Variants in LARP6 observed in about 807,000 individuals in gnomAD.
LARP6 encodes la-related protein 6.
LARP6 carries 18 observed loss-of-function variants against 32.8 expected under a neutral mutation model. The ratio of observed to expected loss-of-function variants is 0.55; its 90% CI spans 0.38 to 0.81. The LOEUF (loss-of-function observed/expected upper bound fraction) is 0.81, where lower values mean the gene tolerates loss of function less well. Ranked by LOEUF, LARP6 falls within the 40% of genes least tolerant of loss-of-function variation. The pLI, the probability that LARP6 is intolerant of heterozygous loss-of-function variation, is 0.00. For synonymous variants in LARP6, 289 were observed against 267.2 expected (o/e 1.08, Z -0.80); for missense variants, 598 against 663.1 (o/e 0.90, Z 1.08).
intron 1 of LARP6, chr15:70,851,525 G>A: frequency 6.7e-7 from 1 of 1,498,834 alleles, no homozygotes. Context: ...AAAGGAATAA[G>A]ATAAGGCAGC....
intron 1 of LARP6, among the ~76,000 whole-genome samples, chr15:70,847,323 A>T (rs1360591582): frequency 1.3e-5 from 2 of 152,110 alleles, no homozygotes; most frequent in Non-Finnish European, 2.9e-5. Context: ...GTAGAAATAA[A>T]GGGGTACATT....
intron 1 of LARP6, among the ~76,000 whole-genome samples, chr15:70,843,786 G>T (rs1213733600): frequency 6.7e-6 from 1 of 149,738 alleles, no homozygotes; most frequent in African/African-American, 2.5e-5. Context: ...CTCCTGAGTA[G>T]CTGGGATTAC....
intron 1 of LARP6, chr15:70,851,760 G>C: frequency 1.2e-6 from 2 of 1,613,654 alleles, no homozygotes; most frequent in Non-Finnish European, 1.7e-6. Flanking sequence ...AATTGTGGAA[G>C]GTGCTAGGCA....
chr15:70,851,691 A>G (rs1273623584), intron 1 of LARP6: 1 of 1,614,088 alleles, frequency 6.2e-7, no homozygotes, highest in East Asian at 2.2e-5. Flanking sequence ...CGAAGCAAGC[A>G]TGGTCCTTGA....
rs1189998278 is a variant in LARP6 at position 70,832,942 on chromosome 15, T to C, written c.586A>G (p.Lys196Glu). Residue 196 changes from lysine to glutamate, a missense_variant, in exon 3 of 3, where the codon AAG becomes GAG. This residue lies in a region of LARP6 where 368 missense variants were observed against 397.9 expected (regional missense o/e 0.92). Transcript: ENST00000299213. ...LLVYDLYLSP[K>E]LWALATPQKN... The stretch of plus-strand genomic sequence containing the variant: ...TGGGGGGTGGCCAGAGCCCACAGCT[T>C]AGGAGACAAGTAGAGATCATAGACC... 1.2e-6 allele frequency: 2 copies of C among 1,606,164 alleles called. No homozygotes were observed. The highest frequency in any genetic ancestry group is 1.7e-6 in the Non-Finnish European group (2 of 1,175,974).
At position 70,832,620 on chromosome 15, in the gene LARP6, T is replaced by C. The variant is rs2032070482; in HGVS notation, c.908A>G (p.Asp303Gly). The C allele has an allele frequency of 1.2e-6, 2 of 1,607,932 alleles. No homozygotes were observed. The highest frequency in any genetic ancestry group is 1.3e-5 in the African/African-American group (1 of 74,330). The change falls in exon 3 of 3, where the codon GAC becomes GGC. Residue 303 changes from aspartate to glycine, a missense_variant. Transcript: ENST00000299213. ...MKPPKKKPAK[D>G]KNHDEEPTAS... is the part of the protein sequence containing the mutation. ...AGTGGGCTCCTCGTCATGATTTTTG[T>C]CTTTGGCAGGTTTCTTTTTGGGTGG...
chr15:70,847,517 GCAC>G (rs1053017163), intron 1 of LARP6, among the ~76,000 whole-genome samples: 1 of 151,920 alleles, frequency 6.6e-6, no homozygotes, highest in African/African-American at 2.4e-5. Flanking sequence ...CTACAGGTGC[GCAC>G]CACCATGCCT....
chr15:70,839,038 G>A (rs574895043), intron 1 of LARP6, among the ~76,000 whole-genome samples: 1 of 152,006 alleles, frequency 6.6e-6, no homozygotes, highest in Admixed American at 6.6e-5. Context: ...ATTATAATTA[G>A]TATAAAATAT....
At chr15:70,834,491 A>G (rs2032111868) in intron 2 of LARP6, among the ~76,000 whole-genome samples, 1 of 152,238 alleles carries the variant, frequency 6.6e-6, no homozygotes, top group South Asian at 2.1e-4. Flanking sequence ...GCCTTCTCCG[A>G]AAACAGCTAG....
chr15:70,836,394 A>G lies in LARP6; in HGVS notation c.312T>C (p.Phe104=). ...CGTCCTTCTCCAGGTTTTCATCAGA[A>G]AAGTAGAATTCGATCTGATCCACCA... ...KKLVDQIEFY[F]SDENLEKDAF... is the part of the protein sequence containing the mutation. Residue 104 remains phenylalanine (F), a synonymous_variant, in exon 2 of 3, where the codon TTT becomes TTC. Transcript: ENST00000299213. 1 of 1,614,114 alleles carries G rather than the reference A, an allele frequency of 6.2e-7. No homozygotes were observed. Among genetic ancestry groups the G allele is most frequent in the African/African-American group, 1.3e-5 (1 of 75,030 alleles).
chr15:70,847,926 A>G (rs2032376585), intron 1 of LARP6, among the ~76,000 whole-genome samples: 1 of 152,058 alleles, frequency 6.6e-6, no homozygotes, highest in Non-Finnish European at 1.5e-5. Context: ...GTGGACACCA[A>G]TAAGGAAGGT....
chr15:70,850,313 T>C (rs1252148156), intron 1 of LARP6, among the ~76,000 whole-genome samples: 1 of 152,194 alleles, frequency 6.6e-6, no homozygotes, highest in Non-Finnish European at 1.5e-5. Context: ...CTTCTCAAAC[T>C]CTTCTAAAAC....
chr15:70,853,794 G>T, intron 1 of LARP6, 95 bp downstream of exon 1: 1 of 953,218 alleles, frequency 1.0e-6, no homozygotes, highest in Non-Finnish European at 1.3e-6. Flanking sequence ...AACCCCCTCT[G>T]CCCGAGGAGT....
At chr15:70,837,079 T>C (rs767868894) in intron 1 of LARP6, among the ~76,000 whole-genome samples, 2 of 152,054 alleles carry the variant, frequency 1.3e-5, no homozygotes, top group Non-Finnish European at 2.9e-5. Flanking sequence ...TGGAGGATCA[T>C]AAAAATAATA....
intron 1 of LARP6, among the ~76,000 whole-genome samples, chr15:70,844,797 C>T (rs1270034679): frequency 6.6e-6 from 1 of 151,888 alleles, no homozygotes; most frequent in African/African-American, 2.4e-5. Context: ...TAGATAATTC[C>T]CTTCTAAGAG....
intron 1 of LARP6, among the ~76,000 whole-genome samples, chr15:70,852,894 T>C (rs1327284139): frequency 6.6e-6 from 1 of 152,096 alleles, no homozygotes; most frequent in South Asian, 2.1e-4. Flanking sequence ...TTGAGTATTC[T>C]CCCAGTGAAG....
rs187561157 is a variant in LARP6 at position 70,853,491 on chromosome 15, G to C, written c.200+398C>G. ...AAGGGTAAGCGGGACCACTCGCAAG[G>C]GGAGGGGAAGGCGGGTAGGGATGGA... On this transcript the variant is annotated intron_variant, in intron 1 of 2. Coordinates refer to ENST00000299213, the MANE Select transcript of LARP6 (RefSeq NM_018357.4). The C allele has an allele frequency of 4.9e-3, 788 of 160,354 alleles. 2 individuals are homozygous for C. The highest frequency in any genetic ancestry group is 7.8e-3 in the Non-Finnish European group (572 of 73,650). The allele number at this position is 160,354 out of a possible 1,614,324, so 9.9% of individuals were successfully genotyped here. A position where few individuals can be genotyped will look rare whatever the true frequency, so the allele number is the denominator to read the frequency against.
intron 1 of LARP6, among the ~76,000 whole-genome samples, chr15:70,846,294 C>T (rs1191374497): frequency 1.3e-5 from 2 of 152,134 alleles, no homozygotes; most frequent in Non-Finnish European, 2.9e-5. Context: ...TTTTCTATTT[C>T]CTGTTAAATA....
At chr15:70,834,492 A>G (rs1485292099) in intron 2 of LARP6, among the ~76,000 whole-genome samples, 2 of 152,210 alleles carry the variant, frequency 1.3e-5, no homozygotes, top group Admixed American at 1.3e-4. Context: ...CCTTCTCCGA[A>G]AACAGCTAGG....
Sources: allele counts gnomAD v4.1 joint callset (sites outside exome capture counted in the v4.1 genomes callset), GRCh38; gene constraint gnomAD v4.1.1; regional missense constraint gnomAD v4.1.1; transcripts MANE v1.5; gene names NCBI Gene and HGNC (gene_info 2026-07-23, HGNC 2026-07-21).